Variants in PRKD1 observed in about 807,000 individuals in gnomAD.
The protein encoded by PRKD1 is protein kinase D1.
A neutral mutation model predicts 95.9 loss-of-function variants in PRKD1; 63 were observed. The observed-to-expected ratio is 0.66, with a 90% CI of 0.54 to 0.81. The LOEUF (loss-of-function observed/expected upper bound fraction) is 0.81. Ranked by LOEUF, PRKD1 falls within the 30% of genes least tolerant of loss-of-function variation. The probability of loss-of-function intolerance (pLI) is 0.00; values close to 1 mark genes in which losing one functional copy is unlikely to be tolerated. For missense variants in PRKD1, 1,048 were observed against 1,165.3 expected (o/e 0.90, Z 1.47); for synonymous variants, 425 against 423.1 (o/e 1.00, Z -0.05).
At chr14:29,607,018 A>T (rs1878025341) in intron 13 of PRKD1, among the ~76,000 whole-genome samples, 1 of 152,212 alleles carries the variant, frequency 6.6e-6, no homozygotes, top group Non-Finnish European at 1.5e-5. Context: ...ATAGGATGAT[A>T]GTAATGTGTC....
intron 4 of PRKD1, among the ~76,000 whole-genome samples, chr14:29,646,323 A>G (rs893952283): frequency 2.6e-5 from 4 of 152,148 alleles, no homozygotes; most frequent in Admixed American, 6.6e-5. Flanking sequence ...ATTTGCTATC[A>G]CAACAGGGTG....
intron 4 of PRKD1, among the ~76,000 whole-genome samples, chr14:29,646,767 C>A (rs189044163): frequency 0.014 from 2,118 of 150,000 alleles, 53 homozygotes; most frequent in African/African-American, 0.049. Flanking sequence ...AAAAAAAAAC[C>A]CACACAGTCA....
intron 1 of PRKD1, among the ~76,000 whole-genome samples, chr14:29,865,045 C>T (rs1215182535): frequency 2.0e-5 from 3 of 152,152 alleles, no homozygotes; most frequent in African/African-American, 4.8e-5. Context: ...CATGTGCCAA[C>T]AACATCTAAC....
chr14:29,843,263 A>G (rs1891937175), intron 1 of PRKD1, among the ~76,000 whole-genome samples: 1 of 152,188 alleles, frequency 6.6e-6, no homozygotes, highest in African/African-American at 2.4e-5. Flanking sequence ...AACCAAAGAG[A>G]GAGGTCCTCA....
intron 1 of PRKD1, among the ~76,000 whole-genome samples, chr14:29,870,508 T>C (rs984518544): frequency 2.0e-5 from 3 of 152,174 alleles, no homozygotes; most frequent in African/African-American, 7.2e-5. Flanking sequence ...ACCCAACAGA[T>C]TGCTGCCATA....
At chr14:29,879,149 T>C (rs944478472) in intron 1 of PRKD1, among the ~76,000 whole-genome samples, 1 of 152,160 alleles carries the variant, frequency 6.6e-6, no homozygotes, top group Admixed American at 6.5e-5. Context: ...CCCAGCACCT[T>C]GCACCAAATC....
chr14:29,912,596 C>T (rs554091686), intron 1 of PRKD1, among the ~76,000 whole-genome samples: 11 of 152,222 alleles, frequency 7.2e-5, no homozygotes, highest in Non-Finnish European at 1.2e-4. Flanking sequence ...ATATGCGCTA[C>T]AGTCCGTACA....
intron 2 of PRKD1, among the ~76,000 whole-genome samples, chr14:29,712,089 AG>A (rs1885360514): frequency 6.6e-6 from 1 of 152,186 alleles, no homozygotes; most frequent in South Asian, 2.1e-4. Flanking sequence ...CTGTGAAGAA[AG>A]GTGTCTTTGG....
Position 29,771,331 on chromosome 14 carries a change from C to T in PRKD1, c.265-45657G>A, listed in dbSNP as rs549782189. The stretch of plus-strand genomic sequence containing the variant: ...GCCCAGAGTGCCAAGACCTGGAGAA[C>T]AGAACTATGTCAAACAAGGGCTCTT... On this transcript the variant is annotated intron_variant, in intron 1 of 17. Coordinates refer to ENST00000331968, the MANE Select transcript of PRKD1 (RefSeq NM_002742.3). Among the ~76,000 whole-genome samples, 4 of 152,224 alleles carry T rather than the reference C, an allele frequency of 2.6e-5. No homozygotes were observed. The South Asian group carries it at 6.2e-4, about 24-fold the overall frequency.
intron 1 of PRKD1, among the ~76,000 whole-genome samples, chr14:29,802,780 G>A (rs1217197423): frequency 1.3e-5 from 2 of 152,150 alleles, no homozygotes; most frequent in Non-Finnish European, 2.9e-5. Flanking sequence ...TTTCAATTCT[G>A]AGCCAATTGA....
At chr14:29,795,990 T>C (rs987083517) in intron 1 of PRKD1, among the ~76,000 whole-genome samples, 7 of 152,154 alleles carry the variant, frequency 4.6e-5, no homozygotes, top group Non-Finnish European at 7.4e-5. Flanking sequence ...ATTTCTTCTT[T>C]AGTTATAAAT....
intron 2 of PRKD1, among the ~76,000 whole-genome samples, chr14:29,668,831 A>G (rs1239851767): frequency 6.6e-6 from 1 of 152,204 alleles, no homozygotes; most frequent in Non-Finnish European, 1.5e-5. Context: ...ATATAATGAG[A>G]GGAAATGCTT....
chr14:29,836,949 A>T (rs1891633241), intron 1 of PRKD1, among the ~76,000 whole-genome samples: 1 of 152,184 alleles, frequency 6.6e-6, no homozygotes, highest in Non-Finnish European at 1.5e-5. Context: ...TACTCATAAA[A>T]TTCATAATAA....
At chr14:29,837,626 T>A (rs973276439) in intron 1 of PRKD1, among the ~76,000 whole-genome samples, 1 of 152,168 alleles carries the variant, frequency 6.6e-6, no homozygotes, top group Non-Finnish European at 1.5e-5. Flanking sequence ...ATAAATTCAA[T>A]ACAAGGTCTG....
chr14:29,742,952 T>A (rs1887047988), intron 1 of PRKD1, among the ~76,000 whole-genome samples: 1 of 152,172 alleles, frequency 6.6e-6, no homozygotes, highest in African/African-American at 2.4e-5. Flanking sequence ...GAGATATGCC[T>A]AAAATTCTTG....
At chr14:29,619,066 G>T (rs752186920) in intron 13 of PRKD1, among the ~76,000 whole-genome samples, 2 of 152,122 alleles carry the variant, frequency 1.3e-5, no homozygotes, top group Non-Finnish European at 2.9e-5. Context: ...GATACCAAAT[G>T]CTTCTGGATA....
intron 4 of PRKD1, among the ~76,000 whole-genome samples, chr14:29,641,805 G>A (rs1290213479): frequency 6.6e-6 from 1 of 150,988 alleles, no homozygotes; most frequent in South Asian, 2.1e-4. Flanking sequence ...CCATGACCCT[G>A]TAATATATAT....
intron 1 of PRKD1, among the ~76,000 whole-genome samples, chr14:29,759,043 C>T (rs1236563859): frequency 2.0e-5 from 3 of 152,124 alleles, no homozygotes; most frequent in African/African-American, 4.8e-5. Flanking sequence ...AAACAGTGTC[C>T]GTTACTCACA....
At chr14:29,614,464 A>G (rs904114478) in intron 13 of PRKD1, among the ~76,000 whole-genome samples, 3 of 152,204 alleles carry the variant, frequency 2.0e-5, no homozygotes, top group Non-Finnish European at 2.9e-5. Flanking sequence ...AGTAATAAGT[A>G]ATATTCACTC....
Sources: gnomAD v4.1 joint callset for allele counts (sites outside exome capture counted in the v4.1 genomes callset) on GRCh38, gnomAD v4.1.1 for gene constraint, MANE v1.5 for transcripts, NCBI Gene and HGNC (gene_info 2026-07-23, HGNC 2026-07-21) for gene names.